C1orf21: variants seen among roughly 807,000 people sequenced by gnomAD.
C1orf21 encodes the protein chromosome 1 open reading frame 21.
A neutral mutation model predicts 18.7 loss-of-function variants in C1orf21; 3 were observed. The ratio of observed to expected loss-of-function variants is 0.16; its 90% CI spans 0.07 to 0.42. The LOEUF is 0.42. C1orf21 is among the 10% of genes least tolerant of loss of function. The probability of loss-of-function intolerance (pLI) is 0.99; values close to 1 mark genes in which losing one functional copy is unlikely to be tolerated. For missense variants in C1orf21, 104 were observed against 143.6 expected, an observed-to-expected ratio of 0.72 and a Z score of 1.41; for synonymous variants, 41 against 46.4, an observed-to-expected ratio of 0.88 and a Z score of 0.47.
intron 1 of C1orf21, among the ~76,000 whole-genome samples, chr1:184,409,215 G>A (rs12067750): frequency 2.6e-5 from 4 of 152,216 alleles, no homozygotes; most frequent in African/African-American, 9.7e-5. Context: ...TGGTCTAGAT[G>A]AGTCACAGCT....
chr1:184,539,372 C>T lies in C1orf21; in HGVS notation c.189+31690C>T, dbSNP rs1465925868. 4.6e-5 allele frequency among the ~76,000 whole-genome samples: 7 copies of T among 152,194 alleles called. 1 individual carries two copies. In the South Asian group the frequency reaches 1.5e-3, roughly 32 times the overall value. On this transcript the variant is annotated intron_variant, in intron 3 of 5. Transcript: ENST00000235307. ...TTGGTCATGGTGTATAATCTTTTTACTATGCTGAATTCAGTTTGCTTGTAT... is the reference window on the plus strand; with the variant it reads ...TTGGTCATGGTGTATAATCTTTTTATTATGCTGAATTCAGTTTGCTTGTAT...
intron 1 of C1orf21, among the ~76,000 whole-genome samples, chr1:184,456,719 A>C (rs1657204048): frequency 6.6e-6 from 1 of 151,664 alleles, no homozygotes; most frequent in Non-Finnish European, 1.5e-5. Flanking sequence ...GTTTTTCTTG[A>C]CTCCATCCGA....
intron 3 of C1orf21, among the ~76,000 whole-genome samples, chr1:184,575,626 AAAAAAG>A (rs201910976): frequency 0.017 from 2,614 of 149,918 alleles, 75 homozygotes; most frequent in African/African-American, 0.058. Context: ...AAAAAAAAAA[AAAAAAG>A]AAGAACTTTA....
At chr1:184,472,177 TA>T (rs1657506079) in intron 1 of C1orf21, among the ~76,000 whole-genome samples, 1 of 152,086 alleles carries the variant, frequency 6.6e-6, no homozygotes, top group Non-Finnish European at 1.5e-5. Flanking sequence ...GCTTAGATGT[TA>T]GCTGTTTCTT....
chr1:184,438,885 T>C (rs1401085236), intron 1 of C1orf21, among the ~76,000 whole-genome samples: 1 of 152,040 alleles, frequency 6.6e-6, no homozygotes, highest in South Asian at 2.1e-4. Context: ...ACCAAAGATA[T>C]GTCGTTGGGT....
At chr1:184,429,923 A>G (rs1370788752) in intron 1 of C1orf21, among the ~76,000 whole-genome samples, 1 of 152,006 alleles carries the variant, frequency 6.6e-6, no homozygotes, top group Non-Finnish European at 1.5e-5. Context: ...CCTAGCTAAT[A>G]TGGTGAAACC....
chr1:184,480,632 A>C (rs972334629), intron 2 of C1orf21, among the ~76,000 whole-genome samples: 8 of 152,210 alleles, frequency 5.3e-5, no homozygotes, highest in Admixed American at 4.6e-4. Context: ...GTCACTTGCC[A>C]CTTGCAGAGT....
At chr1:184,479,923 C>T (rs1031768026) in intron 2 of C1orf21, among the ~76,000 whole-genome samples, 2 of 152,062 alleles carry the variant, frequency 1.3e-5, no homozygotes, top group African/African-American at 4.8e-5. Context: ...ACACCCGGCC[C>T]TCATTCTTTA....
At chr1:184,521,913 G>A (rs893682493) in intron 3 of C1orf21, among the ~76,000 whole-genome samples, 12 of 152,158 alleles carry the variant, frequency 7.9e-5, no homozygotes, top group African/African-American at 2.9e-4. Flanking sequence ...CGAAGACTGT[G>A]AGACCAAAAC....
At chr1:184,440,551 CT>C (rs543152256) in intron 1 of C1orf21, among the ~76,000 whole-genome samples, 238 of 144,648 alleles carry the variant, frequency 1.6e-3, no homozygotes, top group Middle Eastern at 3.6e-3. Flanking sequence ...TGCACCTGGC[CT>C]TTTTTTTTTT....
chr1:184,495,857 G>T (rs886733739), intron 2 of C1orf21, among the ~76,000 whole-genome samples: 1 of 148,132 alleles, frequency 6.8e-6, no homozygotes, highest in Non-Finnish European at 1.5e-5. Flanking sequence ...GGCAGAGGTT[G>T]CAGTGAGCCA....
At position 184,616,946 on chromosome 1, in the gene C1orf21, A is replaced by G. The variant is rs1301144163; in HGVS notation, c.328-2572A>G. Among the ~76,000 whole-genome samples the G allele has an allele frequency of 1.3e-5, 2 of 152,158 alleles. 1 individual carries two copies. Among genetic ancestry groups the G allele is most frequent in the Non-Finnish European group, 2.9e-5 (2 of 68,022 alleles). On this transcript the variant is annotated intron_variant, in intron 5 of 5. Coordinates refer to ENST00000235307, the MANE Select transcript of C1orf21 (RefSeq NM_030806.4). The stretch of plus-strand genomic sequence containing the variant: ...GGAGTGCAAGGCTGAGGTGGGAGGA[A>G]GAGTTCCCTGACACCTATCAGATGA...
intron 2 of C1orf21, among the ~76,000 whole-genome samples, chr1:184,498,618 G>A (rs200622149): frequency 6.6e-6 from 1 of 152,132 alleles, no homozygotes; most frequent in East Asian, 1.9e-4. Context: ...CCTGATGATG[G>A]TGGAGTTTCA....
At chr1:184,405,676 T>A (rs908919214) in intron 1 of C1orf21, among the ~76,000 whole-genome samples, 1 of 152,322 alleles carries the variant, frequency 6.6e-6, no homozygotes, top group African/African-American at 2.4e-5. Flanking sequence ...TCAGTAATTG[T>A]GACTTCCCAA....
intron 2 of C1orf21, among the ~76,000 whole-genome samples, chr1:184,494,830 T>A (rs1206656972): frequency 1.3e-5 from 2 of 150,630 alleles, no homozygotes; most frequent in South Asian, 2.1e-4. Flanking sequence ...TCTACATTAA[T>A]GTTTTTTGCT....
At chr1:184,600,095 C>G (rs1659567334) in intron 5 of C1orf21, among the ~76,000 whole-genome samples, 2 of 152,068 alleles carry the variant, frequency 1.3e-5, no homozygotes, top group Admixed American at 1.3e-4. Context: ...AACTTGAAAC[C>G]TGAATTTTAA....
chr1:184,491,348 CT>C (rs558009578), intron 2 of C1orf21, among the ~76,000 whole-genome samples: 594 of 142,228 alleles, frequency 4.2e-3, no homozygotes, highest in Middle Eastern at 3.8e-3. Flanking sequence ...TTCCTTCTTT[CT>C]TTTTTTTTTT....
rs1164068712 is a variant in C1orf21 at position 184,618,348 on chromosome 1, A to G, written c.328-1170A>G. ...TCAACTATTCTGTGAAATAGGTACT[A>G]TTGTTCTCTTCATTTTACAGATGAA... On this transcript the variant is annotated intron_variant, in intron 5 of 5. Coordinates refer to ENST00000235307, the MANE Select transcript of C1orf21 (RefSeq NM_030806.4). Among the ~76,000 whole-genome samples the G allele has an allele frequency of 2.0e-5, 3 of 152,180 alleles. No individual in the cohort carries two copies. In the South Asian group the frequency reaches 6.2e-4, roughly 32 times the overall value.
intron 3 of C1orf21, among the ~76,000 whole-genome samples, chr1:184,551,984 G>GT (rs1491419819): frequency 1.4e-5 from 2 of 146,510 alleles, no homozygotes; most frequent in African/African-American, 2.5e-5. Flanking sequence ...TAGAATTAAC[G>GT]TTTTTTTAAA....
Sources: allele counts gnomAD v4.1 joint callset (sites outside exome capture counted in the v4.1 genomes callset), GRCh38; gene constraint gnomAD v4.1.1; transcripts MANE v1.5; gene names NCBI Gene and HGNC (gene_info 2026-07-23, HGNC 2026-07-21).